Variants in SLC39A11 observed in about 807,000 individuals in gnomAD.
SLC39A11 encodes zinc transporter ZIP11.
SLC39A11 carries 33 observed loss-of-function variants against 36.1 expected under a neutral mutation model. The ratio of observed to expected loss-of-function variants is 0.91; its 90% confidence interval spans 0.69 to 1.22. The LOEUF (loss-of-function observed/expected upper bound fraction) is 1.22. Among genes scored for constraint, SLC39A11 ranks in the 50% most tolerant of loss-of-function variants. SLC39A11 has a pLI of 0.00. For synonymous variants in SLC39A11, 166 were observed against 170.3 expected (o/e 0.97, Z 0.20); for missense variants, 432 against 430.3 (o/e 1.00, Z -0.03).
intron 7 of SLC39A11, among the ~76,000 whole-genome samples, chr17:72,653,736 G>A (rs2069977094): frequency 6.6e-6 from 1 of 152,174 alleles, no homozygotes; most frequent in Non-Finnish European, 1.5e-5. Context: ...ACCTCACCCG[G>A]CCTGCTGCAC....
chr17:73,040,783 G>C (rs1460174187), intron 3 of SLC39A11, among the ~76,000 whole-genome samples: 1 of 152,160 alleles, frequency 6.6e-6, no homozygotes, highest in East Asian at 1.9e-4. Context: ...TCAAGAGTTT[G>C]AGACCAGCCT....
At chr17:72,975,146 T>C (rs2087752088) in intron 4 of SLC39A11, among the ~76,000 whole-genome samples, 1 of 152,088 alleles carries the variant, frequency 6.6e-6, no homozygotes, top group Non-Finnish European at 1.5e-5. Context: ...AGTGCCCTTA[T>C]AAAGAGGTCC....
At chr17:72,747,016 C>T (rs879818531) in intron 6 of SLC39A11, among the ~76,000 whole-genome samples, 1 of 152,116 alleles carries the variant, frequency 6.6e-6, no homozygotes, top group Non-Finnish European at 1.5e-5. Context: ...CACTGCACTT[C>T]AGCCTGGGTG....
intron 5 of SLC39A11, among the ~76,000 whole-genome samples, chr17:72,873,603 C>A (rs997326377): frequency 6.6e-6 from 1 of 152,148 alleles, no homozygotes; most frequent in African/African-American, 2.4e-5. Flanking sequence ...AAAAAAGAGA[C>A]CCTGGTGGGA....
At chr17:72,958,866 G>GAAAAAAAAAAAAAA (rs1352681278) in intron 4 of SLC39A11, among the ~76,000 whole-genome samples, 1 of 95,426 alleles carries the variant, frequency 1.0e-5, no homozygotes, top group Admixed American at 1.1e-4. Context: ...AAAGAAAAAA[G>GAAAAAAAAAAAAAA]AAAAAAAAAA....
At chr17:72,765,112 C>T (rs1254823062) in intron 6 of SLC39A11, among the ~76,000 whole-genome samples, 3 of 152,202 alleles carry the variant, frequency 2.0e-5, no homozygotes, top group Non-Finnish European at 4.4e-5. Context: ...TGAATCCTGC[C>T]AAGTGTAGAC....
intron 3 of SLC39A11, among the ~76,000 whole-genome samples, chr17:73,042,511 C>G (rs1016987684): frequency 2.2e-4 from 34 of 152,230 alleles, no homozygotes; most frequent in African/African-American, 7.5e-4. Flanking sequence ...AAGCAATAAT[C>G]AGAAAGAGGC....
intron 5 of SLC39A11, among the ~76,000 whole-genome samples, chr17:72,941,868 A>ATTTATTTC (rs1195592076): frequency 7.0e-6 from 1 of 142,880 alleles, no homozygotes; most frequent in East Asian, 2.0e-4. Context: ...CATTCTATTT[A>ATTTATTTC]TTTATTTATT....
At chr17:72,863,289 C>G (rs2080135800) in intron 5 of SLC39A11, among the ~76,000 whole-genome samples, 1 of 152,148 alleles carries the variant, frequency 6.6e-6, no homozygotes, top group Non-Finnish European at 1.5e-5. Context: ...CTTGGAATCT[C>G]TTTTAGGATG....
chr17:73,054,254 C>A (rs2059597687), intron 3 of SLC39A11, among the ~76,000 whole-genome samples: 1 of 151,932 alleles, frequency 6.6e-6, no homozygotes, highest in Non-Finnish European at 1.5e-5. Flanking sequence ...CCCAGCTACT[C>A]AGGAGGCTGA....
At chr17:72,856,797 C>T (rs1050401241) in intron 5 of SLC39A11, among the ~76,000 whole-genome samples, 3 of 152,116 alleles carry the variant, frequency 2.0e-5, no homozygotes, top group Admixed American at 6.5e-5. Flanking sequence ...TCTCCTGCTT[C>T]GGCCTCCAGA....
chr17:72,964,940 A>G (rs1335584932), intron 4 of SLC39A11, among the ~76,000 whole-genome samples: 3 of 152,212 alleles, frequency 2.0e-5, no homozygotes, highest in African/African-American at 4.8e-5. Context: ...GGATGAGTTC[A>G]TGTCCTTTGT....
At chr17:72,800,303 A>ATTTTTTT (rs34172959) in intron 6 of SLC39A11, among the ~76,000 whole-genome samples, 1 of 90,368 alleles carries the variant, frequency 1.1e-5, no homozygotes. Context: ...ACCTACAATA[A>ATTTTTTT]TTTTTTTTTT....
At chr17:73,072,628 C>T (rs908913885) in intron 3 of SLC39A11, 3 of 152,218 alleles carry the variant, frequency 2.0e-5, no homozygotes, top group South Asian at 2.1e-4. Context: ...TTTCTTCTTC[C>T]TTCCTTCCCC....
Position 72,809,199 on chromosome 17 carries a change from T to TTCTCTCTC in SLC39A11, c.601+40427_601+40434dup, listed in dbSNP as rs66472539. Among the ~76,000 whole-genome samples, 441 of 102,316 alleles carry TTCTCTCTC rather than the reference T, an allele frequency of 4.3e-3. 1 individual carries two copies. The highest frequency in any genetic ancestry group is 9.8e-3 in the African/African-American group (361 of 36,848). 67.1% of individuals were successfully genotyped at this position (102,316 alleles called of 152,430 possible). On this transcript the variant is annotated intron_variant, in intron 6 of 9. Coordinates refer to ENST00000255559, the MANE Select transcript of SLC39A11 (RefSeq NM_139177.4). ...GCTTAGATCATCTTCTTTCTTTTCT[T>TTCTCTCTC]TCTCTCTCTCTCTCTCTCTCTCTCT... is the stretch of plus-strand genomic sequence containing the variant.
chr17:73,037,171 A>G (rs1374236472), intron 3 of SLC39A11, among the ~76,000 whole-genome samples: 1 of 152,224 alleles, frequency 6.6e-6, no homozygotes, highest in African/African-American at 2.4e-5. Flanking sequence ...TCGATTATGA[A>G]TAAAGTGGCT....
At chr17:72,790,527 C>T (rs568980984) in intron 6 of SLC39A11, among the ~76,000 whole-genome samples, 30 of 151,028 alleles carry the variant, frequency 2.0e-4, no homozygotes, top group African/African-American at 7.1e-4. Flanking sequence ...GAATTTCTCT[C>T]TCTCTCTCTC....
intron 6 of SLC39A11, among the ~76,000 whole-genome samples, chr17:72,738,425 G>C (rs146897857): frequency 6.6e-6 from 1 of 152,192 alleles, no homozygotes; most frequent in Non-Finnish European, 1.5e-5. Flanking sequence ...AGTGTGCAGC[G>C]TGGGGCTAGA....
chr17:72,921,831 G>A (rs375906772), intron 5 of SLC39A11, among the ~76,000 whole-genome samples: 19 of 152,232 alleles, frequency 1.2e-4, no homozygotes, highest in East Asian at 3.9e-4. Flanking sequence ...TGTCAGTTCC[G>A]CTATGACATG....
Sources: gnomAD v4.1 joint callset for allele counts (sites outside exome capture counted in the v4.1 genomes callset) on GRCh38, gnomAD v4.1.1 for gene constraint, MANE v1.5 for transcripts, NCBI Gene and HGNC (gene_info 2026-07-23, HGNC 2026-07-21) for gene names.